The following AGA variants were observed in gnomAD, a reference collection of about 807,000 sequenced individuals.
The protein encoded by AGA is aspartylglucosaminidase.
AGA carries 31 observed loss-of-function variants against 40.1 expected under a neutral mutation model. The observed-to-expected ratio is 0.77, with a 90% confidence interval of 0.58 to 1.04. AGA has a LOEUF of 1.04. Ranked by LOEUF, AGA falls within the 50% of genes least tolerant of loss-of-function variation. AGA has a pLI of 0.00. For synonymous variants in AGA, 148 were observed against 144.0 expected, an observed-to-expected ratio of 1.03 and a Z score of -0.20; for missense variants, 445 against 435.4, an observed-to-expected ratio of 1.02 and a Z score of -0.20.
Position 177,434,361 on chromosome 4 carries a change from T to A in AGA, c.806+21A>T, listed in dbSNP as rs757592992. On this transcript the variant is annotated intron_variant, in intron 7 of 8. Transcript: ENST00000264595. ...TATCTTCTCCAAAGGTCTCTAAAAT[T>A]CACAAACTAAGAAGTCATACCTTGG... 4 of 1,607,418 alleles carry A rather than the reference T, an allele frequency of 2.5e-6. No homozygotes were observed. The Admixed American group carries it at 6.7e-5, about 27-fold the overall frequency.
chr4:177,435,842 T>C (rs1458858428), intron 6 of AGA, among the ~76,000 whole-genome samples: 2 of 41,508 alleles, frequency 4.8e-5, no homozygotes, highest in Admixed American at 6.2e-4. Context: ...CCAGTAGTTC[T>C]GCGTGCACGC....
At position 177,433,252 on chromosome 4, in the gene AGA, A is replaced by C. The variant is rs35916166; in HGVS notation, c.902T>G (p.Phe301Cys). 1.1e-5 allele frequency: 18 copies of C among 1,614,130 alleles called. No homozygotes were observed. The highest frequency in any genetic ancestry group is 6.7e-5 in the Admixed American group (4 of 60,026). ...CACATTGGCACATATAACAGCCCCA[A>C]AGAATTCTGGAAAATGCTTCTGGAT... The part of the protein sequence containing the change: ...SRIQKHFPEF[F>C]GAVICANVTG... The change falls in exon 8 of 9, where the codon TTT becomes TGT. Residue 301 changes from phenylalanine (F) to cysteine (C), a missense_variant. Coordinates refer to ENST00000264595, the MANE Select transcript of AGA (RefSeq NM_000027.4).
Position 177,431,673 on chromosome 4 carries a change from C to T in AGA, c.*35G>A, listed in dbSNP as rs767154296. On this transcript the variant is annotated 3_prime_UTR_variant, in exon 9 of 9. Transcript: ENST00000264595. ...CAGCCTTTTCAGCCTTTGTTTCTTTCTTCTTTAAATACAGATGTTGACAGT... is the reference window on the plus strand; with the variant it reads ...CAGCCTTTTCAGCCTTTGTTTCTTTTTTCTTTAAATACAGATGTTGACAGT... 7.7e-6 allele frequency: 12 copies of T among 1,549,686 alleles called. No homozygotes were observed. In the East Asian group the frequency reaches 2.2e-4, roughly 29 times the overall value.
intron 8 of AGA, among the ~76,000 whole-genome samples, chr4:177,432,548 A>G (rs1456219943): frequency 6.6e-6 from 1 of 152,192 alleles, no homozygotes; most frequent in Admixed American, 6.5e-5. Context: ...TTTTTCAAAT[A>G]TAGAACTGTG....
chr4:177,441,475 AT>A (rs2111025078), intron 1 of AGA, among the ~76,000 whole-genome samples: 1 of 152,200 alleles, frequency 6.6e-6, no homozygotes, highest in East Asian at 1.9e-4. Context: ...AAATGCCAAG[AT>A]AATGGTACGT....
intron 8 of AGA, 143 bp downstream of exon 8, chr4:177,433,071 A>C: frequency 1.7e-6 from 2 of 1,167,744 alleles, no homozygotes; most frequent in Non-Finnish European, 2.5e-6. Flanking sequence ...TCTTGAGATC[A>C]TCAATGAACA....
At chr4:177,431,888 A>G in intron 8 of AGA, 80 bp from the exon 9 acceptor site, 1 of 1,187,994 alleles carries the variant, frequency 8.4e-7, no homozygotes, top group Non-Finnish European at 1.2e-6. Flanking sequence ...TGCTTATTTG[A>G]CTAGACACTG....
intron 1 of AGA, 37 bp from the exon 2 acceptor site, chr4:177,440,463 A>G (rs1246394485): frequency 1.2e-6 from 2 of 1,600,894 alleles, no homozygotes; most frequent in Non-Finnish European, 1.7e-6. Flanking sequence ...GTTTATATAT[A>G]TATTTTTTTT....
At chr4:177,432,707 T>C (rs1441334346) in intron 8 of AGA, among the ~76,000 whole-genome samples, 1 of 152,174 alleles carries the variant, frequency 6.6e-6, no homozygotes, top group Non-Finnish European at 1.5e-5. Context: ...GATAGGCTCA[T>C]ATGGAAAGTA....
chr4:177,435,719 C>A (rs1579041524), intron 6 of AGA, among the ~76,000 whole-genome samples: 3 of 152,152 alleles, frequency 2.0e-5, no homozygotes, highest in Non-Finnish European at 2.9e-5. Context: ...CCCCACACCC[C>A]TTCTTCCCTA....
chr4:177,442,167 GGT>G lies in AGA; in HGVS notation c.127+80_127+81del. 8.2e-6 allele frequency: 13 copies of G among 1,584,580 alleles called. No homozygotes were observed. In the South Asian group the frequency reaches 1.2e-4, roughly 15 times the overall value. On this transcript the variant is annotated intron_variant, in intron 1 of 8. Coordinates refer to ENST00000264595, the MANE Select transcript of AGA (RefSeq NM_000027.4). ...CGGCGCTCTTCCGTCCGCCCTGCCG[GGT>G]GACTGCAGCGGGGCGGGCTAGTCAT...
intron 4 of AGA, among the ~76,000 whole-genome samples, chr4:177,438,075 A>G (rs561070878): frequency 6.6e-6 from 1 of 152,314 alleles, no homozygotes; most frequent in East Asian, 1.9e-4. Flanking sequence ...ACTGGTATTA[A>G]AGCAAGAAAC....
At chr4:177,439,871 A>T (rs976917568) in intron 2 of AGA, among the ~76,000 whole-genome samples, 183 bp from the exon 3 acceptor site, 3 of 147,506 alleles carry the variant, frequency 2.0e-5, no homozygotes, top group Non-Finnish European at 4.5e-5. Context: ...AGGAAAAAAA[A>T]TAGAAAATCA....
Position 177,431,292 on chromosome 4 carries a change from C to T in AGA, c.*416G>A, listed in dbSNP as rs1294948154. The T allele has an allele frequency of 9.0e-6, 4 of 445,502 alleles. No individual in the cohort carries two copies. The highest frequency in any genetic ancestry group is 6.5e-5 in the South Asian group (4 of 61,874). The allele number at this position is 445,502 out of a possible 1,614,324, so 27.6% of individuals were successfully genotyped here. ...GTGACATAATGAAATTCAATCAGGACTGATCATGCTGAGACTCTGCTGTTT... is the reference window on the plus strand; with the variant it reads ...GTGACATAATGAAATTCAATCAGGATTGATCATGCTGAGACTCTGCTGTTT... On this transcript the variant is annotated 3_prime_UTR_variant, in exon 9 of 9. Transcript: ENST00000264595.
At position 177,431,199 on chromosome 4, in the gene AGA, TCTTC is replaced by T. The variant is rs1736619310; in HGVS notation, c.*505_*508del. ...ACAAAGAGTATCTCATGTTCTATCA[TCTTC>T]CTTCCTCAAGTTTTTAGGGAATATT... On this transcript the variant is annotated 3_prime_UTR_variant, in exon 9 of 9. Coordinates refer to ENST00000264595, the MANE Select transcript of AGA (RefSeq NM_000027.4). The T allele has an allele frequency of 6.8e-6, 3 of 441,098 alleles. No homozygotes were observed. The highest frequency in any genetic ancestry group is 3.3e-5 in the South Asian group (2 of 61,092). 27.3% of individuals were successfully genotyped at this position (441,098 alleles called of 1,614,324 possible). A position where few individuals can be genotyped will look rare whatever the true frequency, so the allele number is the denominator to read the frequency against.
chr4:177,437,380 A>G, intron 5 of AGA, 25 bp downstream of exon 5: 2 of 1,496,436 alleles, frequency 1.3e-6, no homozygotes. Context: ...CTTTATCCAT[A>G]AAAACTGCAC....
chr4:177,432,831 G>A (rs1421177325), intron 8 of AGA, among the ~76,000 whole-genome samples: 1 of 152,116 alleles, frequency 6.6e-6, no homozygotes, highest in Non-Finnish European at 1.5e-5. Flanking sequence ...CTAAATGGCT[G>A]AGGCATTTAA....
chr4:177,440,226 C>G, intron 2 of AGA, 47 bp downstream of exon 2: 1 of 1,609,160 alleles, frequency 6.2e-7, no homozygotes. Flanking sequence ...GACCACAACT[C>G]TAAATGTAAC....
intron 1 of AGA, 47 bp downstream of exon 1, chr4:177,442,202 C>T: frequency 6.2e-7 from 1 of 1,609,104 alleles, no homozygotes; most frequent in Non-Finnish European, 8.5e-7. Context: ...CATCCCCACC[C>T]GCAAGCTCTC....
Sources: gnomAD v4.1 joint callset for allele counts (sites outside exome capture counted in the v4.1 genomes callset) on GRCh38, gnomAD v4.1.1 for gene constraint, MANE v1.5 for transcripts, NCBI Gene and HGNC (gene_info 2026-07-23, HGNC 2026-07-21) for gene names.